The following WEE2 variants were observed in gnomAD, a reference collection of about 807,000 sequenced individuals.
WEE2 encodes wee1-like protein kinase 2.
WEE2 carries 50 observed loss-of-function variants against 60.1 expected under a neutral mutation model. That is an observed-to-expected ratio of 0.83 (90% confidence interval 0.66 to 1.05). The LOEUF (loss-of-function observed/expected upper bound fraction) is 1.05, where lower values mean the gene tolerates loss of function less well. Ranked by LOEUF, WEE2 falls within the 50% of genes least tolerant of loss-of-function variation. The pLI is 0.00. For missense variants in WEE2, 631 were observed against 684.3 expected (o/e 0.92, Z 0.87); for synonymous variants, 240 against 241.0 (o/e 1.00, Z 0.04).
chr7:141,721,206 C>A, intron 5 of WEE2, 150 bp downstream of exon 5: 2 of 873,272 alleles, frequency 2.3e-6, no homozygotes, highest in Non-Finnish European at 3.5e-6. Flanking sequence ...TGCTTGGAAG[C>A]ACAGAGCTTC....
At chr7:141,723,311 C>A in intron 6 of WEE2, 31 bp downstream of exon 6, 4 of 1,606,570 alleles carry the variant, frequency 2.5e-6, no homozygotes, top group Non-Finnish European at 3.4e-6. Flanking sequence ...CCACTTCTAC[C>A]GTATTTTGTT....
At chr7:141,710,729 T>C (rs1798696052) in intron 1 of WEE2, among the ~76,000 whole-genome samples, 1 of 152,088 alleles carries the variant, frequency 6.6e-6, no homozygotes, top group Non-Finnish European at 1.5e-5. Flanking sequence ...CACCAAGTTA[T>C]GGAGGGGAAG....
chr7:141,720,948 CAT>C lies in WEE2; in HGVS notation c.773_774del (p.His258ArgfsTer25). 6.2e-7 allele frequency: 1 copy of C among 1,612,592 alleles called. No homozygotes were observed. Among genetic ancestry groups the C allele is most frequent in the Non-Finnish European group, 8.5e-7 (1 of 1,178,656 alleles). ...TELSNENSAL[H>X]EVYAHAVLGH... ...TCTGTCTCATAGGAATTCGGCTTTG[CAT>C]GAAGTTTATGCTCACGCAGTGCTTG... On this transcript the variant is annotated frameshift_variant, in exon 5 of 12. Transcript: ENST00000397541. LOFTEE classifies it high-confidence loss of function.
In WEE2 at chr7:141,720,987, C is replaced by G; in HGVS notation, c.811C>G (p.His271Asp). 6.2e-7 allele frequency: 1 copy of G among 1,614,162 alleles called. No homozygotes were observed. The highest frequency in any genetic ancestry group is 8.5e-7 in the Non-Finnish European group (1 of 1,179,998). The change falls in exon 5 of 12, where the codon CAT (histidine) becomes GAT (aspartate). Residue 271 changes from histidine (H) to aspartate (D), a missense_variant. Coordinates refer to ENST00000397541, the MANE Select transcript of WEE2 (RefSeq NM_001105558.1). ...TCACGCAGTGCTTGGGCATCACCCC[C>G]ATGTGGTACGTTACTATTCCTCATG... Reference protein sequence around the residue: ...YAHAVLGHHPHVVRYYSSWAE... With the variant: ...YAHAVLGHHPDVVRYYSSWAE...
intron 5 of WEE2, among the ~76,000 whole-genome samples, chr7:141,722,701 C>T (rs1011204822): frequency 1.3e-5 from 2 of 152,180 alleles, no homozygotes; most frequent in Non-Finnish European, 2.9e-5. Flanking sequence ...TAATCATTGA[C>T]ACCAATAGTA....
intron 10 of WEE2, among the ~76,000 whole-genome samples, chr7:141,729,233 T>G (rs1388335864): frequency 2.6e-5 from 4 of 152,212 alleles, no homozygotes; most frequent in Admixed American, 6.5e-5. Context: ...TTATTGACCC[T>G]GGTACCTTTC....
chr7:141,729,189 G>T (rs1584748606), intron 10 of WEE2, among the ~76,000 whole-genome samples: 1 of 152,140 alleles, frequency 6.6e-6, no homozygotes, highest in African/African-American at 2.4e-5. Context: ...TATAAATACA[G>T]GTGATAGGCC....
chr7:141,726,657 A>C (rs892713255), intron 9 of WEE2, among the ~76,000 whole-genome samples: 1 of 152,234 alleles, frequency 6.6e-6, no homozygotes, highest in African/African-American at 2.4e-5. Context: ...TAAATTCTAA[A>C]AATAGTTCAA....
At chr7:141,727,494 C>G (rs762937722) in intron 10 of WEE2, 48 bp downstream of exon 10, 5 of 1,604,624 alleles carry the variant, frequency 3.1e-6, no homozygotes, top group Non-Finnish European at 4.3e-6. Context: ...GAGCACTACT[C>G]ACAATGGTAT....
At chr7:141,716,327 T>G in intron 3 of WEE2, 60 bp downstream of exon 3, 1 of 1,512,388 alleles carries the variant, frequency 6.6e-7, no homozygotes, top group Non-Finnish European at 9.1e-7. Context: ...ATTCTTTCTC[T>G]TCTTCCCCTC....
chr7:141,729,382 T>G, intron 10 of WEE2, 149 bp from the exon 11 acceptor site: 1 of 1,087,958 alleles, frequency 9.2e-7, no homozygotes, highest in Non-Finnish European at 1.3e-6. Flanking sequence ...ACAACCATAG[T>G]AACTGAATTT....
At chr7:141,724,132 C>A (rs762129319) in intron 7 of WEE2, 58 bp from the exon 8 acceptor site, 5 of 1,579,918 alleles carry the variant, frequency 3.2e-6, no homozygotes, top group Non-Finnish European at 4.3e-6. Flanking sequence ...TTAAGAAAGA[C>A]ATGCTTTTAA....
rs1185056726 is a variant in WEE2 at position 141,719,217 on chromosome 7, T to A, written c.731T>A (p.Met244Lys). The A allele has an allele frequency of 2.5e-6, 4 of 1,610,182 alleles. No individual in the cohort carries two copies. The highest frequency in any genetic ancestry group is 1.7e-5 in the Admixed American group (1 of 59,516). The change falls in exon 4 of 12, where the codon ATG becomes AAG. Residue 244 changes from methionine to lysine, a missense_variant. Met to Lys is a moderately conservative substitution (Grantham distance 95). Transcript: ENST00000397541. The part of the protein sequence containing the change: ...DGCVYAIKRS[M>K]KTFTELSNEN... ...TGTGTTTATGCAATAAAGCGCTCTA[T>A]GAAAACTTTTACAGAATTATCAAAT...
chr7:141,728,363 C>T lies in WEE2; in HGVS notation c.1535+917C>T, dbSNP rs548651121. Among the ~76,000 whole-genome samples the T allele has an allele frequency of 7.2e-5, 11 of 152,196 alleles. No homozygotes were observed. In the South Asian group the frequency reaches 1.9e-3, roughly 26 times the overall value. ...TTGGAAAGATTAGCTTTGAAGCATC[C>T]CTAACCTGATTTCTTAGTATTAATA... On this transcript the variant is annotated intron_variant, in intron 10 of 11. Coordinates refer to ENST00000397541, the MANE Select transcript of WEE2 (RefSeq NM_001105558.1).
Position 141,708,971 on chromosome 7 carries a change from A to G in WEE2, c.213A>G (p.Glu71=), listed in dbSNP as rs749624304. The change falls in exon 1 of 12, where the codon GAA becomes GAG. Residue 71 remains glutamate (E), a synonymous_variant. Transcript: ENST00000397541. The part of the protein sequence containing the change: ...SNVHELDTSS[E]KDKESPDQIL... The stretch of plus-strand genomic sequence containing the variant: ...TGCATGAGCTCGACACATCTTCGGA[A>G]AAAGACAAAGAAAGTCCAGATCAGA... The G allele has an allele frequency of 6.2e-7, 1 of 1,614,158 alleles. No homozygotes were observed. Among genetic ancestry groups the G allele is most frequent in the Non-Finnish European group, 8.5e-7 (1 of 1,180,020 alleles).
intron 1 of WEE2, among the ~76,000 whole-genome samples, chr7:141,712,716 C>T (rs1300604626): frequency 6.6e-6 from 1 of 152,084 alleles, no homozygotes; most frequent in Non-Finnish European, 1.5e-5. Flanking sequence ...ATTTTCTAGG[C>T]CCCTTATACT....
intron 9 of WEE2, among the ~76,000 whole-genome samples, chr7:141,726,436 G>GTT (rs1218644035): frequency 6.6e-6 from 1 of 152,092 alleles, no homozygotes; most frequent in African/African-American, 2.4e-5. Flanking sequence ...TGGGAGATTA[G>GTT]TTTCACAGTT....
chr7:141,709,479 C>T (rs1430564668), intron 1 of WEE2, among the ~76,000 whole-genome samples: 2 of 152,164 alleles, frequency 1.3e-5, no homozygotes, highest in Non-Finnish European at 2.9e-5. Flanking sequence ...ACAGCTCAGC[C>T]AATGTTACAG....
At chr7:141,725,824 A>G (rs1799007469) in intron 9 of WEE2, among the ~76,000 whole-genome samples, 1 of 152,196 alleles carries the variant, frequency 6.6e-6, no homozygotes, top group African/African-American at 2.4e-5. Context: ...CATGGCTCAG[A>G]GCAGCTCCTT....
Sources: gnomAD v4.1 joint callset for allele counts (sites outside exome capture counted in the v4.1 genomes callset) on GRCh38, gnomAD v4.1.1 for gene constraint, MANE v1.5 for transcripts, NCBI Gene and HGNC (gene_info 2026-07-23, HGNC 2026-07-21) for gene names.